Variants in PIK3CB observed in about 807,000 individuals in gnomAD.
The protein encoded by PIK3CB is phosphatidylinositol-4,5-bisphosphate 3-kinase catalytic subunit beta, also known as phosphatidylinositol 4,5-bisphosphate 3-kinase catalytic subunit beta isoform.
Under a neutral mutation model 136.8 loss-of-function variants are expected in PIK3CB, and 39 were observed. The observed-to-expected ratio is 0.29, with a 90% confidence interval of 0.22 to 0.37. The LOEUF is 0.37. Ranked by LOEUF, PIK3CB falls within the 10% of genes least tolerant of loss-of-function variation. The pLI is 1.00. For missense variants in PIK3CB, 868 were observed against 1,275.4 expected (o/e 0.68, Z 4.87); for synonymous variants, 428 against 436.6 (o/e 0.98, Z 0.25).
intron 21 of PIK3CB, among the ~76,000 whole-genome samples, chr3:138,658,536 C>T (rs1213164971): frequency 6.6e-6 from 1 of 152,190 alleles, no homozygotes; most frequent in Non-Finnish European, 1.5e-5. Flanking sequence ...ACTTCTTACT[C>T]TTCTCACTAG....
At chr3:138,709,272 A>G (rs2044444921) in intron 10 of PIK3CB, among the ~76,000 whole-genome samples, 1 of 152,028 alleles carries the variant, frequency 6.6e-6, no homozygotes, top group Admixed American at 6.6e-5. Flanking sequence ...CACTGTTTGA[A>G]CTATCAGAAC....
At chr3:138,766,463 G>T (rs1039071133) in intron 2 of PIK3CB, among the ~76,000 whole-genome samples, 3 of 151,922 alleles carry the variant, frequency 2.0e-5, no homozygotes, top group African/African-American at 7.3e-5. Context: ...CACTGCAAAG[G>T]CTAAGTATCT....
chr3:138,750,724 C>T (rs1402529126), intron 4 of PIK3CB, among the ~76,000 whole-genome samples: 1 of 152,192 alleles, frequency 6.6e-6, no homozygotes, highest in Non-Finnish European at 1.5e-5. Context: ...TCTATGCCCC[C>T]AACTGGCTCT....
chr3:138,652,960 A>C lies in PIK3CB; in HGVS notation c.*2429T>G, dbSNP rs1462445430. On this transcript the variant is annotated 3_prime_UTR_variant, in exon 24 of 24. Coordinates refer to ENST00000674063, the MANE Select transcript of PIK3CB (RefSeq NM_006219.3). ...TGCTGATGCTCCTCATCAGGGGACC[A>C]CACTTGGAGAATGATTGCTATAGAT... 1 of 216,138 alleles carries C rather than the reference A, an allele frequency of 4.6e-6. No individual in the cohort carries two copies. Among genetic ancestry groups the C allele is most frequent in the Non-Finnish European group, 9.3e-6 (1 of 107,450 alleles). 13.4% of individuals were successfully genotyped at this position (216,138 alleles called of 1,614,324 possible). A position where few individuals can be genotyped will look rare whatever the true frequency, so the allele number is the denominator to read the frequency against.
Position 138,688,885 on chromosome 3 carries a change from A to G in PIK3CB, c.2126T>C (p.Leu709Pro), listed in dbSNP as rs1476453050. The G allele has an allele frequency of 6.2e-7, 1 of 1,608,072 alleles. No individual in the cohort carries two copies. Among genetic ancestry groups the G allele is most frequent in the Non-Finnish European group, 8.5e-7 (1 of 1,174,544 alleles). ...AAAACAAGCTGATACCTGCTTAGAA[A>G]GCACTTTCATGTGCCCCACACTTCC... The part of the protein sequence containing the change: ...CRGSVGHMKV[L>P]SKQVEALNKL... The change falls in exon 16 of 24, where the codon CTT (leucine) becomes CCT (proline). Residue 709 changes from leucine (L) to proline (P), a missense_variant. Around this residue, in one of 4 missense-constraint regions of PIK3CB, gnomAD observed 165 missense variants for 295.4 expected, o/e 0.56. Coordinates refer to ENST00000674063, the MANE Select transcript of PIK3CB (RefSeq NM_006219.3).
chr3:138,776,671 G>A (rs1408682784), intron 2 of PIK3CB, among the ~76,000 whole-genome samples: 1 of 152,000 alleles, frequency 6.6e-6, no homozygotes, highest in Non-Finnish European at 1.5e-5. Context: ...ATTCCAGCCT[G>A]GGCGACAGAG....
intron 3 of PIK3CB, 88 bp from the exon 4 acceptor site, chr3:138,756,067 T>G (rs2045561270): frequency 7.2e-6 from 4 of 555,654 alleles, no homozygotes; most frequent in Non-Finnish European, 1.2e-5. Context: ...GCACTGTTTG[T>G]AAAAATAAAA....
intron 11 of PIK3CB, among the ~76,000 whole-genome samples, chr3:138,705,199 A>AC (rs1559828860): frequency 1.8e-4 from 26 of 143,336 alleles, no homozygotes; most frequent in Admixed American, 1.2e-3. Context: ...ACAAAAAAAA[A>AC]AACTTATATT....
At chr3:138,814,411 G>C (rs1295297947) in intron 1 of PIK3CB, among the ~76,000 whole-genome samples, 1 of 151,392 alleles carries the variant, frequency 6.6e-6, no homozygotes, top group African/African-American at 2.4e-5. Flanking sequence ...CCAGGAGGTG[G>C]AGGTTGCAGT....
intron 2 of PIK3CB, among the ~76,000 whole-genome samples, chr3:138,788,656 C>CAAAAAA (rs71146142): frequency 5.3e-5 from 2 of 37,724 alleles, no homozygotes; most frequent in Non-Finnish European, 8.9e-5. Flanking sequence ...GACTTTGTCT[C>CAAAAAA]AAAAAAAAAA....
chr3:138,736,469 A>G (rs2108650019), intron 6 of PIK3CB, among the ~76,000 whole-genome samples: 1 of 152,350 alleles, frequency 6.6e-6, no homozygotes, highest in African/African-American at 2.4e-5. Context: ...AAATAACAAG[A>G]CTTTCCTAAA....
chr3:138,801,140 T>C (rs1349931156), intron 1 of PIK3CB, among the ~76,000 whole-genome samples: 1 of 152,124 alleles, frequency 6.6e-6, no homozygotes, highest in African/African-American at 2.4e-5. Flanking sequence ...GTAAGACTTC[T>C]AACAAAATTC....
intron 8 of PIK3CB, among the ~76,000 whole-genome samples, chr3:138,718,076 G>C (rs2044649105): frequency 6.6e-6 from 1 of 152,144 alleles, no homozygotes; most frequent in Non-Finnish European, 1.5e-5. Flanking sequence ...GGGTCAAATG[G>C]TAGTTCTGCT....
intron 1 of PIK3CB, chr3:138,826,058 G>C: frequency 8.2e-7 from 1 of 1,226,086 alleles, no homozygotes; most frequent in Non-Finnish European, 1.2e-6. Flanking sequence ...TTGCAAGTTT[G>C]CTGACCTGAA....
At chr3:138,825,609 T>C (rs1244421455) in intron 1 of PIK3CB, 4 of 620,500 alleles carry the variant, frequency 6.4e-6, no homozygotes, top group Non-Finnish European at 1.2e-5. Context: ...AAGATGGCAA[T>C]GCCAGGGGAA....
intron 19 of PIK3CB, among the ~76,000 whole-genome samples, chr3:138,677,241 T>C (rs1421369896): frequency 6.6e-6 from 1 of 152,066 alleles, no homozygotes; most frequent in East Asian, 1.9e-4. Flanking sequence ...GTATTTTTAG[T>C]AGAGACGGGG....
At chr3:138,789,248 A>G (rs1415134445) in intron 2 of PIK3CB, among the ~76,000 whole-genome samples, 1 of 152,168 alleles carries the variant, frequency 6.6e-6, no homozygotes, top group Middle Eastern at 3.2e-3. Flanking sequence ...AGCTTGAGCC[A>G]GGTGTTCAAG....
rs537916285 is a variant in PIK3CB, at chr3:138,734,092, C to T, written c.972+542G>A. Among the ~76,000 whole-genome samples, 100 of 152,108 alleles carry T rather than the reference C, an allele frequency of 6.6e-4. 1 individual carries two copies. The highest frequency in any genetic ancestry group is 2.2e-3 in the African/African-American group (92 of 41,486). On this transcript the variant is annotated intron_variant, in intron 7 of 23. Coordinates refer to ENST00000674063, the MANE Select transcript of PIK3CB (RefSeq NM_006219.3). ...GAGTAGTTCAATATACAATTTGTGACGACTGAGTAACTGACTAAAAAGTAT... is the reference window on the plus strand; with the variant it reads ...GAGTAGTTCAATATACAATTTGTGATGACTGAGTAACTGACTAAAAAGTAT...
intron 5 of PIK3CB, among the ~76,000 whole-genome samples, chr3:138,739,282 A>G (rs947385923): frequency 6.6e-6 from 1 of 151,888 alleles, no homozygotes. Context: ...TGTCTCTACT[A>G]AAAATACAAA....
Sources: gnomAD v4.1 joint callset for allele counts (sites outside exome capture counted in the v4.1 genomes callset) on GRCh38, gnomAD v4.1.1 for gene constraint, gnomAD v4.1.1 regional missense constraint, MANE v1.5 for transcripts, NCBI Gene and HGNC (gene_info 2026-07-23, HGNC 2026-07-21) for gene names.